VAMP7: variants seen among roughly 807,000 people sequenced by gnomAD.
The protein encoded by VAMP7 is vesicle associated membrane protein 7, also known as vesicle-associated membrane protein 7.
In VAMP7, 14 loss-of-function variants were observed where a neutral mutation model predicts 29.6. The ratio of observed to expected loss-of-function variants is 0.47; its 90% confidence interval spans 0.31 to 0.74. VAMP7 has a LOEUF of 0.74. Ranked by LOEUF, VAMP7 falls within the 30% of genes least tolerant of loss-of-function variation. The pLI is 0.05. For synonymous variants in VAMP7, 95 were observed against 88.1 expected (o/e 1.08, Z -0.44); for missense variants, 223 against 262.4 (o/e 0.85, Z 1.04).
chrX:155,894,310 T>TG (rs756428062), intron 2 of VAMP7, among the ~76,000 whole-genome samples: 9 of 150,732 alleles, frequency 6.0e-5, no homozygotes, highest in East Asian at 1.9e-4. Context: ...TGTTTTTTTT[T>TG]TTTTTTTTTT....
At chrX:155,898,018 A>C in intron 3 of VAMP7, 94 bp from the exon 4 acceptor site, 1 of 1,465,808 alleles carries the variant, frequency 6.8e-7, no homozygotes, top group Non-Finnish European at 9.3e-7. Flanking sequence ...ATCATTGCTC[A>C]GTAAATGTTA....
chrX:155,936,421 G>A (rs1007770417), intron 6 of VAMP7, among the ~76,000 whole-genome samples: 2 of 152,272 alleles, frequency 1.3e-5, no homozygotes, highest in African/African-American at 4.8e-5. Flanking sequence ...CTCCAGCCTC[G>A]CTGCCACCTT....
At chrX:155,899,930 G>A (rs914603671) in intron 4 of VAMP7, among the ~76,000 whole-genome samples, 5 of 152,002 alleles carry the variant, frequency 3.3e-5, no homozygotes, top group African/African-American at 1.2e-4. Context: ...TGTGTATTAA[G>A]CACCCCATAA....
At chrX:155,934,502 A>C (rs1172441389) in intron 6 of VAMP7, among the ~76,000 whole-genome samples, 1 of 152,082 alleles carries the variant, frequency 6.6e-6, no homozygotes, top group Non-Finnish European at 1.5e-5. Context: ...AGTCTGTTTT[A>C]TCAGAGACTA....
intron 5 of VAMP7, among the ~76,000 whole-genome samples, chrX:155,914,088 G>C (rs767058730): frequency 2.1e-4 from 32 of 152,230 alleles, no homozygotes; most frequent in African/African-American, 7.0e-4. Flanking sequence ...TCCCCTGTAA[G>C]TTGTATTTCT....
chrX:155,903,934 A>G (rs1395681368), intron 5 of VAMP7, among the ~76,000 whole-genome samples: 1 of 152,124 alleles, frequency 6.6e-6, no homozygotes, highest in African/African-American at 2.4e-5. Context: ...TATTCACAAT[A>G]GCAAAGACTT....
chrX:155,938,802 C>T, intron 6 of VAMP7, among the ~76,000 whole-genome samples: 1 of 152,276 alleles, frequency 6.6e-6, no homozygotes, highest in East Asian at 1.9e-4. Context: ...GGCGACAGAG[C>T]AAGACCCTGT....
At chrX:155,917,583 A>G (rs1402803850) in intron 5 of VAMP7, among the ~76,000 whole-genome samples, 2 of 151,848 alleles carry the variant, frequency 1.3e-5, no homozygotes, top group African/African-American at 2.4e-5. Context: ...GGTCTGCTGG[A>G]GTTTGTTGGA....
Position 155,939,771 on chromosome X carries a change from T to C in VAMP7, c.572T>C (p.Ile191Thr). Residue 191 changes from isoleucine to threonine, a missense_variant, in exon 7 of 8, where the codon ATT (isoleucine) becomes ACT (threonine). Physicochemically the swap from Ile to Thr is moderately conservative, Grantham distance 89. Transcript: ENST00000286448. ...AMCMKNLKLT[I>T]IIIIVSIVFI... is the part of the protein sequence containing the mutation. ...TGTATGAAGAACCTCAAGCTCACTA[T>C]TATCATCATCATCGTATCAATTGTA... 6.2e-7 allele frequency: 1 copy of C among 1,610,700 alleles called. No homozygotes were observed.
At chrX:155,925,783 A>C (rs2066458736) in intron 6 of VAMP7, among the ~76,000 whole-genome samples, 1 of 152,152 alleles carries the variant, frequency 6.6e-6, no homozygotes, top group Non-Finnish European at 1.5e-5. Context: ...CAGAGGGGTG[A>C]CTTTGAATAG....
intron 5 of VAMP7, among the ~76,000 whole-genome samples, chrX:155,913,594 T>A (rs887217924): frequency 5.3e-5 from 8 of 152,216 alleles, no homozygotes; most frequent in African/African-American, 1.9e-4. Flanking sequence ...TGAATATGGC[T>A]AGCCAGTTTT....
intron 6 of VAMP7, among the ~76,000 whole-genome samples, chrX:155,932,007 G>A (rs779782331): frequency 6.6e-6 from 1 of 152,026 alleles, no homozygotes; most frequent in South Asian, 2.1e-4. Flanking sequence ...TGTCAAAGAT[G>A]ACATGGTTGT....
intron 6 of VAMP7, among the ~76,000 whole-genome samples, chrX:155,921,765 T>C (rs1228745773): frequency 6.6e-6 from 1 of 152,086 alleles, no homozygotes; most frequent in African/African-American, 2.4e-5. Context: ...TATATTCTTG[T>C]TGTCCAATAT....
At chrX:155,899,950 A>G (rs1485934120) in intron 4 of VAMP7, among the ~76,000 whole-genome samples, 2 of 152,092 alleles carry the variant, frequency 1.3e-5, no homozygotes, top group African/African-American at 4.8e-5. Flanking sequence ...ATTGCTAGCT[A>G]TGGATAAATA....
chrX:155,887,018 C>G (rs1054634383), intron 1 of VAMP7, among the ~76,000 whole-genome samples: 19 of 152,188 alleles, frequency 1.2e-4, no homozygotes, highest in Admixed American at 4.6e-4. Flanking sequence ...TTGTTCCTCT[C>G]TACTGTGTCT....
At chrX:155,900,711 T>C in intron 5 of VAMP7, 124 bp downstream of exon 5, 1 of 776,184 alleles carries the variant, frequency 1.3e-6, no homozygotes, top group Non-Finnish European at 2.1e-6. Flanking sequence ...AAGTTAATTG[T>C]CAGCTGAGAC....
chrX:155,900,525 A>G lies in VAMP7; in HGVS notation c.371A>G (p.Asp124Gly), dbSNP rs767131949. ...LKHHSENKGL[D>G]KVMETQAQVD... is the part of the protein sequence containing the mutation. ...CATCACTCTGAGAATAAGGGCCTAG[A>G]CAAAGTGATGGAGACTCAAGCCCAA... Residue 124 changes from aspartate (D) to glycine (G), a missense_variant, in exon 5 of 8, where the codon GAC (aspartate) becomes GGC (glycine). Physicochemically the swap from Asp to Gly is moderately conservative, Grantham distance 94. Coordinates refer to ENST00000286448, the MANE Select transcript of VAMP7 (RefSeq NM_005638.6). 1 of 1,611,018 alleles carries G rather than the reference A, an allele frequency of 6.2e-7. No individual in the cohort carries two copies. Among genetic ancestry groups the G allele is most frequent in the Non-Finnish European group, 8.5e-7 (1 of 1,178,270 alleles).
rs79789949 is a variant in VAMP7 at position 155,903,356 on chromosome X, C to G, written c.433+2769C>G. ...CAACAAAAGCCAAAATTGACAAATG[C>G]GATCTAATTAAACTAAAGAGCTTCT... is the stretch of plus-strand genomic sequence containing the variant. On this transcript the variant is annotated intron_variant, in intron 5 of 7. Coordinates refer to ENST00000286448, the MANE Select transcript of VAMP7 (RefSeq NM_005638.6). Among the ~76,000 whole-genome samples the G allele has an allele frequency of 3.0e-3, 461 of 151,892 alleles. 5 individuals carry two copies. Among genetic ancestry groups the G allele is most frequent in the African/African-American group, 9.8e-3 (408 of 41,454 alleles).
chrX:155,931,487 C>T (rs1362238902), intron 6 of VAMP7, among the ~76,000 whole-genome samples: 2 of 152,114 alleles, frequency 1.3e-5, no homozygotes, highest in Non-Finnish European at 1.5e-5. Context: ...TTTCATGTGT[C>T]TGTTGGCTGC....
Sources: gnomAD v4.1 joint callset for allele counts (sites outside exome capture counted in the v4.1 genomes callset) on GRCh38, gnomAD v4.1.1 for gene constraint, MANE v1.5 for transcripts, NCBI Gene and HGNC (gene_info 2026-07-23, HGNC 2026-07-21) for gene names.